The following ADAMTS12 variants were observed in gnomAD, a reference collection of about 807,000 sequenced individuals.
ADAMTS12 encodes ADAM metallopeptidase with thrombospondin type 1 motif 12.
ADAMTS12 carries 118 observed loss-of-function variants against 167.8 expected under a neutral mutation model. The observed-to-expected ratio is 0.70, with a 90% confidence interval of 0.61 to 0.82. The LOEUF is 0.82. ADAMTS12 is among the 40% of genes least tolerant of loss of function. The pLI is 0.00. For synonymous variants in ADAMTS12, 704 were observed against 716.9 expected, an observed-to-expected ratio of 0.98 and a Z score of 0.29; for missense variants, 1,916 against 1,998.8, an observed-to-expected ratio of 0.96 and a Z score of 0.79.
chr5:33,717,858 T>TTGCAATAGTAAGAAAAGAAAA (rs1294069173), intron 3 of ADAMTS12, among the ~76,000 whole-genome samples: 1 of 152,200 alleles, frequency 6.6e-6, no homozygotes, highest in Non-Finnish European at 1.5e-5. Context: ...TGTGAAGAAT[T>TTGCAATAGTAAGAAAAGAAAA]TGCAATAGTA....
Position 33,844,606 on chromosome 5 carries a change from A to C in ADAMTS12, c.489+36513T>G, listed in dbSNP as rs182156531. Among the ~76,000 whole-genome samples, 607 of 152,286 alleles carry C rather than the reference A, an allele frequency of 4.0e-3. 2 individuals carry two copies. The highest frequency in any genetic ancestry group is 0.014 in the African/African-American group (582 of 41,550). ...CTCCTGATAAGATGTTATCAATGAC[A>C]ATGGTGCCCGAAACTTCATTAGCAA... On this transcript the variant is annotated intron_variant, in intron 2 of 23. Transcript: ENST00000504830.
In ADAMTS12 at chr5:33,873,909, C is replaced by A. The variant is rs1181378600; in HGVS notation, c.489+7210G>T. 2.0e-5 allele frequency among the ~76,000 whole-genome samples: 3 copies of A among 152,106 alleles called. No individual in the cohort carries two copies. In the East Asian group the frequency reaches 5.8e-4, roughly 29 times the overall value. ...AAACTAACACAATAAATCTTATATTCTTCAAGAAAATTAATGCAAACTGGA... is the reference window on the plus strand; with the variant it reads ...AAACTAACACAATAAATCTTATATTATTCAAGAAAATTAATGCAAACTGGA... On this transcript the variant is annotated intron_variant, in intron 2 of 23. Transcript: ENST00000504830.
At chr5:33,729,296 T>C (rs1283324794) in intron 3 of ADAMTS12, among the ~76,000 whole-genome samples, 1 of 152,224 alleles carries the variant, frequency 6.6e-6, no homozygotes, top group African/African-American at 2.4e-5. Flanking sequence ...AGAGTGAATG[T>C]GGAAGTCATG....
chr5:33,601,104 AGAGTGTGTGTGT>A (rs1738164428), intron 16 of ADAMTS12, among the ~76,000 whole-genome samples: 1 of 80,170 alleles, frequency 1.2e-5, no homozygotes, highest in Non-Finnish European at 2.6e-5. Context: ...AACACATTTA[AGAGTGTGTGTGT>A]GTGTGTGTGT....
At chr5:33,822,150 T>C (rs1468909507) in intron 2 of ADAMTS12, among the ~76,000 whole-genome samples, 1 of 152,226 alleles carries the variant, frequency 6.6e-6, no homozygotes, top group African/African-American at 2.4e-5. Flanking sequence ...TGTTCCACAA[T>C]TGAGAGATCC....
intron 19 of ADAMTS12, among the ~76,000 whole-genome samples, chr5:33,571,242 G>A (rs1579683041): frequency 6.6e-6 from 1 of 152,126 alleles, no homozygotes. Context: ...TGCACCAAGT[G>A]GACCTAATAG....
intron 6 of ADAMTS12, among the ~76,000 whole-genome samples, chr5:33,661,434 C>T (rs527657521): frequency 2.0e-4 from 31 of 152,248 alleles, no homozygotes; most frequent in African/African-American, 6.3e-4. Flanking sequence ...GCCTACTCAG[C>T]GGGGACCTGC....
At chr5:33,809,371 G>A (rs1003317193) in intron 2 of ADAMTS12, among the ~76,000 whole-genome samples, 3 of 152,166 alleles carry the variant, frequency 2.0e-5, no homozygotes, top group Admixed American at 6.6e-5. Flanking sequence ...CAAATGCTTT[G>A]AAGATATTTT....
chr5:33,600,648 T>C (rs7725296), intron 16 of ADAMTS12, among the ~76,000 whole-genome samples: 47,741 of 152,042 alleles, frequency 0.31, 7,600 homozygotes, highest in Non-Finnish European at 0.34. Context: ...CAAGGCATTG[T>C]ATACTCAATC....
chr5:33,531,654 C>A (rs1217337780), intron 23 of ADAMTS12, among the ~76,000 whole-genome samples: 1 of 152,178 alleles, frequency 6.6e-6, no homozygotes, highest in Non-Finnish European at 1.5e-5. Flanking sequence ...ATGAATAGGT[C>A]TTCTCTGCCC....
At chr5:33,568,009 T>C (rs1383823232) in intron 19 of ADAMTS12, among the ~76,000 whole-genome samples, 2 of 152,108 alleles carry the variant, frequency 1.3e-5, no homozygotes, top group Admixed American at 6.5e-5. Context: ...GCCTCTACAA[T>C]AGGGAAAATA....
intron 23 of ADAMTS12, among the ~76,000 whole-genome samples, chr5:33,528,689 G>A (rs1377471913): frequency 1.3e-5 from 2 of 152,206 alleles, no homozygotes; most frequent in Non-Finnish European, 2.9e-5. Flanking sequence ...CTTAACTCTA[G>A]AGCTCATGCT....
intron 2 of ADAMTS12, among the ~76,000 whole-genome samples, chr5:33,875,575 C>T (rs529546351): frequency 3.9e-5 from 6 of 152,260 alleles, no homozygotes; most frequent in Middle Eastern, 3.4e-3. Context: ...ATGACCATAT[C>T]AACTGATGCA....
chr5:33,590,175 G>C, intron 17 of ADAMTS12, among the ~76,000 whole-genome samples: 1 of 152,320 alleles, frequency 6.6e-6, no homozygotes, highest in East Asian at 1.9e-4. Context: ...GTCTTAATCT[G>C]AGTTGGTTGA....
At chr5:33,655,972 G>T (rs999188925) in intron 7 of ADAMTS12, among the ~76,000 whole-genome samples, 14 of 152,060 alleles carry the variant, frequency 9.2e-5, no homozygotes, top group African/African-American at 3.1e-4. Flanking sequence ...CTCAAAGACG[G>T]TTCTCTAGTT....
At chr5:33,734,599 C>T (rs1307051599) in intron 3 of ADAMTS12, among the ~76,000 whole-genome samples, 1 of 152,142 alleles carries the variant, frequency 6.6e-6, no homozygotes, top group Non-Finnish European at 1.5e-5. Flanking sequence ...ACCCAGTCCC[C>T]TGAGAATGAA....
chr5:33,729,450 C>T (rs997138298), intron 3 of ADAMTS12, among the ~76,000 whole-genome samples: 3 of 152,174 alleles, frequency 2.0e-5, no homozygotes, highest in Non-Finnish European at 4.4e-5. Flanking sequence ...TACAAGCATT[C>T]ACAAGAAATA....
intron 3 of ADAMTS12, among the ~76,000 whole-genome samples, chr5:33,698,259 T>G (rs1742857337): frequency 6.6e-6 from 1 of 152,220 alleles, no homozygotes; most frequent in South Asian, 2.1e-4. Flanking sequence ...TAAAATCATC[T>G]TATCTTTCTG....
intron 2 of ADAMTS12, among the ~76,000 whole-genome samples, chr5:33,829,674 G>C (rs1748222629): frequency 1.3e-5 from 2 of 152,104 alleles, no homozygotes; most frequent in African/African-American, 2.4e-5. Context: ...TGTTCCATGG[G>C]CCTCTCTGTT....
Sources: gnomAD v4.1 joint callset for allele counts (sites outside exome capture counted in the v4.1 genomes callset) on GRCh38, gnomAD v4.1.1 for gene constraint, MANE v1.5 for transcripts, NCBI Gene and HGNC (gene_info 2026-07-23, HGNC 2026-07-21) for gene names.